The following ADAM9 variants were observed in gnomAD, a reference collection of about 807,000 sequenced individuals.
The protein encoded by ADAM9 is disintegrin and metalloproteinase domain-containing protein 9.
ADAM9 carries 54 observed loss-of-function variants against 108.1 expected under a neutral mutation model. The observed-to-expected ratio is 0.50, with a 90% CI of 0.40 to 0.63. ADAM9 has a LOEUF of 0.63. Among genes scored for constraint, ADAM9 ranks in the 20% least tolerant of loss-of-function variants. The pLI is 0.00. For missense variants in ADAM9, 830 were observed against 997.7 expected (o/e 0.83, Z 2.26); for synonymous variants, 316 against 336.0 (o/e 0.94, Z 0.65).
intron 1 of ADAM9, among the ~76,000 whole-genome samples, chr8:39,002,034 A>T (rs1279108481): frequency 8.7e-5 from 8 of 92,454 alleles, no homozygotes; most frequent in African/African-American, 1.7e-4. Context: ...TAGAATGATT[A>T]AAAAAAAAAA....
Position 39,014,437 on chromosome 8 carries a change from A to G in ADAM9, c.333+394A>G. 1.3e-5 allele frequency: 8 copies of G among 628,584 alleles called. No homozygotes were observed. The South Asian group carries it at 1.5e-4, about 12-fold the overall frequency. The allele number at this position is 628,584 out of a possible 1,614,324, so 38.9% of individuals were successfully genotyped here. ...TTTAGTAAAGAAAAACACTCATTTG[A>G]TGTTATGTGTTCTAATGTTCTAAAT... On this transcript the variant is annotated intron_variant, in intron 4 of 21. Coordinates refer to ENST00000487273, the MANE Select transcript of ADAM9 (RefSeq NM_003816.3).
chr8:39,045,485 T>G (rs553177541), intron 12 of ADAM9, among the ~76,000 whole-genome samples: 6 of 148,772 alleles, frequency 4.0e-5, no homozygotes, highest in African/African-American at 1.3e-4. Flanking sequence ...CACACCTATA[T>G]GTGCGTGTGT....
intron 12 of ADAM9, among the ~76,000 whole-genome samples, chr8:39,047,344 CTCT>C (rs1837806957): frequency 6.6e-6 from 1 of 152,260 alleles, no homozygotes; most frequent in African/African-American, 2.4e-5. Flanking sequence ...TCTCCTCCTC[CTCT>C]ATTTTTTGGG....
chr8:39,017,669 C>T (rs1414354515), intron 6 of ADAM9, among the ~76,000 whole-genome samples: 1 of 152,176 alleles, frequency 6.6e-6, no homozygotes, highest in Non-Finnish European at 1.5e-5. Context: ...TTCACTGTGG[C>T]CTTGACCTCT....
At chr8:39,021,613 G>A (rs1564252799) in intron 7 of ADAM9, 30 bp from the exon 8 acceptor site, 1 of 1,590,836 alleles carries the variant, frequency 6.3e-7, no homozygotes, top group Non-Finnish European at 8.6e-7. Flanking sequence ...GTACTTTGGT[G>A]ATAATGATTC....
intron 2 of ADAM9, 65 bp from the exon 3 acceptor site, chr8:39,011,591 AAT>A: frequency 7.1e-7 from 1 of 1,403,162 alleles, no homozygotes; most frequent in Non-Finnish European, 1.0e-6. Context: ...GCATCTTATA[AAT>A]GAGATGTTGT....
intron 4 of ADAM9, 79 bp downstream of exon 4, chr8:39,014,122 G>T (rs758053201): frequency 1.7e-5 from 20 of 1,157,130 alleles, no homozygotes; most frequent in Non-Finnish European, 1.7e-5. Flanking sequence ...TAGGCACTCA[G>T]GACTGTTACA....
Position 39,045,586 on chromosome 8 carries a change from AT to A in ADAM9, c.1302+3470del, listed in dbSNP as rs1564303143. 1.3e-4 allele frequency among the ~76,000 whole-genome samples: 19 copies of A among 151,298 alleles called. No individual in the cohort carries two copies. In the East Asian group the frequency reaches 3.3e-3, roughly 26 times the overall value. On this transcript the variant is annotated intron_variant, in intron 12 of 21. Coordinates refer to ENST00000487273, the MANE Select transcript of ADAM9 (RefSeq NM_003816.3). ...TGTGTGTGTGTATATATATATATAT[AT>A]AAAAGATTTTTCTCATCCAGTCGAC...
At chr8:39,059,991 G>A (rs1158659790) in intron 14 of ADAM9, among the ~76,000 whole-genome samples, 6 of 152,168 alleles carry the variant, frequency 3.9e-5, no homozygotes, top group African/African-American at 7.2e-5. Flanking sequence ...AATTACATAC[G>A]TAGCACTTCC....
intron 1 of ADAM9, among the ~76,000 whole-genome samples, chr8:38,999,753 T>G (rs534811258): frequency 3.9e-5 from 6 of 152,364 alleles, no homozygotes; most frequent in African/African-American, 1.4e-4. Context: ...AAGCTTTAAC[T>G]TACCAAATTT....
chr8:39,013,638 G>A (rs964087195), intron 3 of ADAM9, among the ~76,000 whole-genome samples: 3 of 151,728 alleles, frequency 2.0e-5, no homozygotes, highest in South Asian at 4.2e-4. Context: ...GAGTAGCTGG[G>A]ACTATATGTG....
intron 11 of ADAM9, among the ~76,000 whole-genome samples, chr8:39,035,556 C>T (rs1278439267): frequency 3.3e-5 from 5 of 152,134 alleles, no homozygotes; most frequent in African/African-American, 4.8e-5. Flanking sequence ...CGGTGGCTCA[C>T]GCCTGTAATC....
rs777947104 is a variant in ADAM9, at chr8:39,082,637, T to C, written c.1882-4T>C. ...TTTACTTAGTTCATTTTTTTTTTTTTCAGATCTGTAGAAACTTCCAGTGTG... is the reference window on the plus strand; with the variant it reads ...TTTACTTAGTTCATTTTTTTTTTTTCCAGATCTGTAGAAACTTCCAGTGTG... On this transcript the variant is annotated splice_region_variant and splice_polypyrimidine_tract_variant and intron_variant, in intron 16 of 21. Coordinates refer to ENST00000487273, the MANE Select transcript of ADAM9 (RefSeq NM_003816.3). 36 of 1,609,508 alleles carry C rather than the reference T, an allele frequency of 2.2e-5. No individual in the cohort carries two copies. The Admixed American group carries it at 2.3e-4, about 10-fold the overall frequency.
intron 14 of ADAM9, among the ~76,000 whole-genome samples, chr8:39,057,670 G>A (rs904524151): frequency 2.0e-5 from 3 of 152,008 alleles, no homozygotes; most frequent in Admixed American, 6.6e-5. Flanking sequence ...TCATTCCAAA[G>A]GCCTTCAGGA....
chr8:39,055,417 G>C (rs1273207178), intron 13 of ADAM9, among the ~76,000 whole-genome samples, 160 bp from the exon 14 acceptor site: 1 of 152,116 alleles, frequency 6.6e-6, no homozygotes, highest in Non-Finnish European at 1.5e-5. Context: ...GGACTTACAT[G>C]AATTACCTGT....
intron 20 of ADAM9, among the ~76,000 whole-genome samples, chr8:39,096,915 A>G (rs531173014): frequency 1.3e-5 from 2 of 152,210 alleles, no homozygotes; most frequent in African/African-American, 2.4e-5. Flanking sequence ...TTAGTTGTCC[A>G]TCTGCATTCT....
At chr8:39,092,452 G>A (rs1185260745) in intron 20 of ADAM9, among the ~76,000 whole-genome samples, 1 of 151,754 alleles carries the variant, frequency 6.6e-6, no homozygotes, top group African/African-American at 2.4e-5. Context: ...ATTTTTCCAT[G>A]TTGTTATGTA....
chr8:39,023,189 G>A lies in ADAM9; in HGVS notation c.778G>A (p.Val260Ile), dbSNP rs1836803291. The A allele has an allele frequency of 6.2e-7, 1 of 1,613,452 alleles. No individual in the cohort carries two copies. Among genetic ancestry groups the A allele is most frequent in the Non-Finnish European group, 8.5e-7 (1 of 1,179,674 alleles). The change falls in exon 9 of 22, where the codon GTT becomes ATT. Residue 260 changes from valine (V) to isoleucine (I), a missense_variant. Coordinates refer to ENST00000487273, the MANE Select transcript of ADAM9 (RefSeq NM_003816.3). ...TATGTTAAATATTCGAATTGTGCTA[G>A]TTGGACTGGAGATTTGGACCAATGG... ...YIMLNIRIVL[V>I]GLEIWTNGNL...
chr8:39,066,416 G>T (rs1838475633), intron 14 of ADAM9, among the ~76,000 whole-genome samples: 1 of 152,182 alleles, frequency 6.6e-6, no homozygotes, highest in Non-Finnish European at 1.5e-5. Flanking sequence ...AGCACCTGTT[G>T]TTTCCTGACT....
Sources: gnomAD v4.1 joint callset for allele counts (sites outside exome capture counted in the v4.1 genomes callset) on GRCh38, gnomAD v4.1.1 for gene constraint, MANE v1.5 for transcripts, NCBI Gene and HGNC (gene_info 2026-07-23, HGNC 2026-07-21) for gene names.